CAMK1D: variants seen among roughly 807,000 people sequenced by gnomAD.
CAMK1D encodes calcium/calmodulin dependent protein kinase ID, also known as calcium/calmodulin-dependent protein kinase type 1D.
Under a neutral mutation model 47.7 loss-of-function variants are expected in CAMK1D, and 9 were observed. That is an observed-to-expected ratio of 0.19 (90% CI 0.11 to 0.33). The LOEUF is 0.33. Ranked by LOEUF, CAMK1D falls within the 10% of genes least tolerant of loss-of-function variation. The pLI is 1.00. For missense variants in CAMK1D, 291 were observed against 488.7 expected (o/e 0.60, Z 3.81); for synonymous variants, 184 against 184.9 (o/e 0.99, Z 0.04).
intron 3 of CAMK1D, among the ~76,000 whole-genome samples, chr10:12,703,881 A>G (rs1312268365): frequency 6.6e-6 from 1 of 152,180 alleles, no homozygotes; most frequent in Non-Finnish European, 1.5e-5. Flanking sequence ...AAAAAAAAAA[A>G]AAAGACAAAT....
chr10:12,459,369 A>G (rs1021443068), intron 1 of CAMK1D, among the ~76,000 whole-genome samples: 7 of 152,178 alleles, frequency 4.6e-5, no homozygotes, highest in African/African-American at 1.7e-4. Context: ...TCTGGGGTTA[A>G]TGTTCTCTGA....
chr10:12,706,039 G>A (rs1164197467), intron 3 of CAMK1D, among the ~76,000 whole-genome samples: 1 of 152,114 alleles, frequency 6.6e-6, no homozygotes, highest in Non-Finnish European at 1.5e-5. Context: ...ATCTGAGGGG[G>A]GTGTGTCCCA....
chr10:12,397,859 G>A (rs1003895284), intron 1 of CAMK1D, among the ~76,000 whole-genome samples: 2 of 152,166 alleles, frequency 1.3e-5, no homozygotes, highest in Admixed American at 1.3e-4. Flanking sequence ...CAGATTTCCA[G>A]CTTCTCTTGA....
chr10:12,352,341 G>A (rs902072282), intron 1 of CAMK1D, among the ~76,000 whole-genome samples: 6 of 152,136 alleles, frequency 3.9e-5, no homozygotes, highest in African/African-American at 1.4e-4. Context: ...TGGGCGTGGT[G>A]GCTCACACCT....
chr10:12,799,681 C>T (rs1264427250), intron 6 of CAMK1D, among the ~76,000 whole-genome samples: 1 of 152,184 alleles, frequency 6.6e-6, no homozygotes, highest in Non-Finnish European at 1.5e-5. Context: ...CACTGTTAGC[C>T]ATGAGCTGCT....
intron 1 of CAMK1D, among the ~76,000 whole-genome samples, chr10:12,429,045 T>A (rs982965073): frequency 6.6e-6 from 1 of 152,166 alleles, no homozygotes; most frequent in Non-Finnish European, 1.5e-5. Flanking sequence ...GAATGCAGGA[T>A]GACACTCACT....
intron 6 of CAMK1D, among the ~76,000 whole-genome samples, chr10:12,801,222 TATCCATCCATCC>T (rs55994840): frequency 0.14 from 21,329 of 149,288 alleles, 4,156 homozygotes; most frequent in African/African-American, 0.45. Flanking sequence ...ACATCTCTAG[TATCCATCCATCC>T]ATCCATCCAT....
intron 2 of CAMK1D, among the ~76,000 whole-genome samples, chr10:12,632,982 G>C (rs1235355803): frequency 6.6e-6 from 1 of 152,042 alleles, no homozygotes; most frequent in African/African-American, 2.4e-5. Context: ...CCTGAGCCAC[G>C]GCGCCTGGCT....
At chr10:12,436,417 A>G (rs1272073661) in intron 1 of CAMK1D, among the ~76,000 whole-genome samples, 1 of 152,194 alleles carries the variant, frequency 6.6e-6, no homozygotes, top group Non-Finnish European at 1.5e-5. Context: ...AAGAGCAGTG[A>G]CCGTCGAAGG....
At chr10:12,472,598 C>T (rs1440743732) in intron 1 of CAMK1D, among the ~76,000 whole-genome samples, 1 of 152,058 alleles carries the variant, frequency 6.6e-6, no homozygotes, top group African/African-American at 2.4e-5. Flanking sequence ...GATCTCGGCT[C>T]ACTGTAACCG....
At chr10:12,791,880 G>T (rs932030726) in intron 6 of CAMK1D, among the ~76,000 whole-genome samples, 1 of 152,150 alleles carries the variant, frequency 6.6e-6, no homozygotes, top group Non-Finnish European at 1.5e-5. Context: ...TTGAATTTCT[G>T]AGTAGCCACC....
intron 3 of CAMK1D, among the ~76,000 whole-genome samples, chr10:12,710,084 AGAGATT>A (rs1833878104): frequency 6.6e-6 from 1 of 152,192 alleles, no homozygotes; most frequent in Non-Finnish European, 1.5e-5. Context: ...TATTTACCTC[AGAGATT>A]GTCATGAGGA....
intron 1 of CAMK1D, among the ~76,000 whole-genome samples, chr10:12,516,201 C>A (rs575571261): frequency 6.6e-6 from 1 of 152,152 alleles, no homozygotes. Flanking sequence ...GCTCTGCCTC[C>A]TGGGTTCAAG....
Position 12,771,075 on chromosome 10 carries a change from G to A in CAMK1D, c.565+1276G>A, listed in dbSNP as rs550172465. ...CTCCCGAGTACCTGGGATTACAGGC[G>A]CCTGCCACCATGTCAGGCTAATTTT... is the stretch of plus-strand genomic sequence containing the variant. On this transcript the variant is annotated intron_variant, in intron 5 of 10. Coordinates refer to ENST00000619168, the MANE Select transcript of CAMK1D (RefSeq NM_153498.4). 2.0e-5 allele frequency among the ~76,000 whole-genome samples: 3 copies of A among 152,108 alleles called. No individual in the cohort carries two copies. The South Asian group carries it at 6.2e-4, about 32-fold the overall frequency.
At chr10:12,513,971 C>T (rs1347891245) in intron 1 of CAMK1D, among the ~76,000 whole-genome samples, 2 of 152,158 alleles carry the variant, frequency 1.3e-5, no homozygotes, top group African/African-American at 2.4e-5. Context: ...CCTCTCTGTT[C>T]GCTTGACTGC....
At chr10:12,412,205 T>C (rs1012993919) in intron 1 of CAMK1D, among the ~76,000 whole-genome samples, 5 of 152,146 alleles carry the variant, frequency 3.3e-5, no homozygotes, top group Admixed American at 2.6e-4. Context: ...TAGTGTGAGC[T>C]GGTGGCGTTG....
chr10:12,454,364 G>A (rs572320581), intron 1 of CAMK1D, among the ~76,000 whole-genome samples: 7 of 151,886 alleles, frequency 4.6e-5, no homozygotes, highest in Non-Finnish European at 8.8e-5. Context: ...GGGCTTTACC[G>A]TGTTAGCCAA....
chr10:12,631,367 C>T (rs1839373213), intron 2 of CAMK1D, among the ~76,000 whole-genome samples: 1 of 152,172 alleles, frequency 6.6e-6, no homozygotes, highest in Non-Finnish European at 1.5e-5. Context: ...TAGACAAGCT[C>T]CGCCCATAGT....
chr10:12,573,643 C>T (rs1588648634), intron 2 of CAMK1D, among the ~76,000 whole-genome samples: 1 of 151,226 alleles, frequency 6.6e-6, no homozygotes, highest in East Asian at 1.9e-4. Context: ...TTCTTTCTTA[C>T]GTTTTTCTTT....
Sources: allele counts gnomAD v4.1 joint callset (sites outside exome capture counted in the v4.1 genomes callset), GRCh38; gene constraint gnomAD v4.1.1; transcripts MANE v1.5; gene names NCBI Gene and HGNC (gene_info 2026-07-23, HGNC 2026-07-21).